Variants in CSMD1 observed in about 807,000 individuals in gnomAD.
CSMD1 encodes the protein CUB and sushi domain-containing protein 1.
In CSMD1, 213 loss-of-function variants were observed where a neutral mutation model predicts 417.5. That is an observed-to-expected ratio of 0.51 (90% CI 0.46 to 0.57). The LOEUF is 0.57. CSMD1 is among the 20% of genes least tolerant of loss of function. The pLI is 0.00. For synonymous variants in CSMD1, 2,862 were observed against 1,736.8 expected (o/e 1.65, Z -16.11); for missense variants, 6,923 against 4,529.7 (o/e 1.53, Z -15.17).
intron 3 of CSMD1, among the ~76,000 whole-genome samples, chr8:4,382,271 A>T (rs1022439731): frequency 2.6e-5 from 4 of 152,330 alleles, no homozygotes; most frequent in South Asian, 2.1e-4. Context: ...ACCTGACAGC[A>T]CTGGGGCTTA....
intron 6 of CSMD1, among the ~76,000 whole-genome samples, chr8:3,729,496 C>G (rs1003289810): frequency 2.6e-5 from 4 of 152,064 alleles, no homozygotes; most frequent in Non-Finnish European, 5.9e-5. Flanking sequence ...ATATGTATCC[C>G]CAGCAAGACA....
At chr8:3,349,744 C>T (rs1258215624) in intron 21 of CSMD1, among the ~76,000 whole-genome samples, 2 of 143,532 alleles carry the variant, frequency 1.4e-5, no homozygotes, top group Non-Finnish European at 3.0e-5. Context: ...TATATAAATA[C>T]TTTATATAGT....
rs769404424 is a variant in CSMD1, at chr8:4,158,664, G to A, written c.416-126565C>T. 6.0e-4 allele frequency among the ~76,000 whole-genome samples: 91 copies of A among 152,202 alleles called. 1 individual carries two copies. Among genetic ancestry groups the A allele is most frequent in the Non-Finnish European group, 1.0e-3 (68 of 68,010 alleles). On this transcript the variant is annotated intron_variant, in intron 3 of 69. Transcript: ENST00000635120. ...CTGGTGGTAGTGGAAGATCAACGCC[G>A]TAATAATGAGTATTATGGGCCAGCA...
At chr8:3,752,792 A>T (rs887878828) in intron 6 of CSMD1, among the ~76,000 whole-genome samples, 1 of 152,084 alleles carries the variant, frequency 6.6e-6, no homozygotes, top group African/African-American at 2.4e-5. Flanking sequence ...GTGGCAAATA[A>T]AGACTGCTGG....
chr8:4,251,096 C>G (rs563146195), intron 3 of CSMD1, among the ~76,000 whole-genome samples: 3 of 151,976 alleles, frequency 2.0e-5, no homozygotes, highest in South Asian at 4.1e-4. Context: ...ATTTTCCCTG[C>G]CAAATTTCTG....
chr8:3,979,375 C>T (rs1045862206), intron 5 of CSMD1, among the ~76,000 whole-genome samples: 1 of 152,132 alleles, frequency 6.6e-6, no homozygotes, highest in South Asian at 2.1e-4. Context: ...CTAAGGACAG[C>T]TGGAGGAGAC....
At chr8:3,049,111 G>A (rs1811649142) in intron 50 of CSMD1, among the ~76,000 whole-genome samples, 1 of 152,122 alleles carries the variant, frequency 6.6e-6, no homozygotes. Flanking sequence ...GGGGCAACAG[G>A]AACTCTCACT....
intron 2 of CSMD1, among the ~76,000 whole-genome samples, chr8:4,576,598 G>C (rs1368158113): frequency 6.6e-6 from 1 of 152,064 alleles, no homozygotes; most frequent in East Asian, 1.9e-4. Flanking sequence ...TGTCCATCCA[G>C]TATCTAGCTT....
At chr8:4,159,717 C>G (rs1056932745) in intron 3 of CSMD1, among the ~76,000 whole-genome samples, 1 of 152,090 alleles carries the variant, frequency 6.6e-6, no homozygotes, top group African/African-American at 2.4e-5. Context: ...GCCTCCCGAG[C>G]AGCTGGGACT....
At chr8:4,036,897 C>T (rs1258478681) in intron 3 of CSMD1, among the ~76,000 whole-genome samples, 10 of 151,992 alleles carry the variant, frequency 6.6e-5, no homozygotes, top group Non-Finnish European at 1.5e-4. Context: ...CAAAGATGAC[C>T]ATGTTTGCAT....
At chr8:4,764,087 A>T (rs540445066) in intron 1 of CSMD1, among the ~76,000 whole-genome samples, 1 of 152,304 alleles carries the variant, frequency 6.6e-6, no homozygotes, top group Non-Finnish European at 1.5e-5. Flanking sequence ...TCATCTATGC[A>T]ATCTCCACCT....
chr8:4,166,459 C>A (rs1051933074), intron 3 of CSMD1, among the ~76,000 whole-genome samples: 2 of 152,072 alleles, frequency 1.3e-5, no homozygotes, highest in Non-Finnish European at 2.9e-5. Flanking sequence ...TTTGCAGCAA[C>A]CTGGATGAAG....
At chr8:4,119,638 G>C (rs924356339) in intron 3 of CSMD1, among the ~76,000 whole-genome samples, 2 of 152,136 alleles carry the variant, frequency 1.3e-5, no homozygotes, top group African/African-American at 4.8e-5. Context: ...GCTCTGTGAG[G>C]AACAAGGAAG....
At chr8:3,501,582 A>C (rs1009891090) in intron 10 of CSMD1, among the ~76,000 whole-genome samples, 2 of 152,196 alleles carry the variant, frequency 1.3e-5, no homozygotes, top group African/African-American at 2.4e-5. Context: ...AGAAATGACA[A>C]CTCAGAACAC....
At chr8:4,057,238 GA>G (rs1798742840) in intron 3 of CSMD1, among the ~76,000 whole-genome samples, 1 of 152,196 alleles carries the variant, frequency 6.6e-6, no homozygotes, top group African/African-American at 2.4e-5. Context: ...ACTGGTGTGA[GA>G]TGGTATCTCA....
chr8:3,028,370 G>A (rs1267794007), intron 51 of CSMD1, among the ~76,000 whole-genome samples: 9 of 152,112 alleles, frequency 5.9e-5, no homozygotes, highest in Admixed American at 5.2e-4. Flanking sequence ...AAAGAGGAAC[G>A]GCTCTGCAAA....
At chr8:4,231,272 G>A (rs76982663) in intron 3 of CSMD1, among the ~76,000 whole-genome samples, 1 of 152,152 alleles carries the variant, frequency 6.6e-6, no homozygotes, top group Admixed American at 6.5e-5. Flanking sequence ...TCTGTTACCA[G>A]AGGCAGTGAT....
At chr8:3,195,714 C>A (rs1043224500) in intron 33 of CSMD1, among the ~76,000 whole-genome samples, 1 of 152,106 alleles carries the variant, frequency 6.6e-6, no homozygotes, top group South Asian at 2.1e-4. Context: ...TGTGAACACT[C>A]GAGGAATTCC....
chr8:4,632,668 G>C (rs962196620), intron 2 of CSMD1, among the ~76,000 whole-genome samples: 5 of 152,198 alleles, frequency 3.3e-5, no homozygotes, highest in African/African-American at 1.2e-4. Flanking sequence ...GGTAACTTCA[G>C]GGCAGGTGTG....
Sources: gnomAD v4.1 joint callset for allele counts (sites outside exome capture counted in the v4.1 genomes callset) on GRCh38, gnomAD v4.1.1 for gene constraint, MANE v1.5 for transcripts, NCBI Gene and HGNC (gene_info 2026-07-23, HGNC 2026-07-21) for gene names.